Variants in PACS1 observed in about 807,000 individuals in gnomAD.
PACS1 encodes the protein phosphofurin acidic cluster sorting protein 1, also known as PACS-1.
A neutral mutation model predicts 115.0 loss-of-function variants in PACS1; 24 were observed. That is an observed-to-expected ratio of 0.21 (90% confidence interval 0.15 to 0.29). The LOEUF (loss-of-function observed/expected upper bound fraction) is 0.29, where lower values mean the gene tolerates loss of function less well. Among genes scored for constraint, PACS1 ranks in the 10% least tolerant of loss-of-function variants. The pLI is 1.00. For missense variants in PACS1, 838 were observed against 1,251.2 expected, an observed-to-expected ratio of 0.67 and a Z score of 4.98; for synonymous variants, 453 against 504.5, an observed-to-expected ratio of 0.90 and a Z score of 1.37.
intron 11 of PACS1, 117 bp downstream of exon 11, chr11:66,227,701 A>G (rs1249695505): frequency 1.6e-6 from 1 of 638,102 alleles, no homozygotes; most frequent in Non-Finnish European, 2.8e-6. Context: ...CTGCAGGCTT[A>G]TGAATGTCCT....
At chr11:66,177,923 A>G (rs1024271252) in intron 1 of PACS1, among the ~76,000 whole-genome samples, 1 of 152,234 alleles carries the variant, frequency 6.6e-6, no homozygotes, top group Non-Finnish European at 1.5e-5. Flanking sequence ...TTCAACAATT[A>G]GCACAATAGT....
At chr11:66,162,014 A>C (rs1412798644) in intron 1 of PACS1, among the ~76,000 whole-genome samples, 1 of 150,576 alleles carries the variant, frequency 6.6e-6, no homozygotes, top group East Asian at 2.0e-4. Flanking sequence ...TAGGAATGTG[A>C]CCTTATTTGG....
At chr11:66,115,334 G>A (rs1858281985) in intron 1 of PACS1, among the ~76,000 whole-genome samples, 1 of 151,738 alleles carries the variant, frequency 6.6e-6, no homozygotes, top group Admixed American at 6.6e-5. Flanking sequence ...TGTGAAAAAT[G>A]TTTTTTCTCT....
intron 1 of PACS1, among the ~76,000 whole-genome samples, chr11:66,097,782 C>A (rs1322206621): frequency 6.6e-6 from 1 of 152,212 alleles, no homozygotes; most frequent in African/African-American, 2.4e-5. Context: ...AATGGAAACT[C>A]TGAGGCTTTA....
chr11:66,238,610 C>G, intron 19 of PACS1, 194 bp from the exon 20 acceptor site: 1 of 580,328 alleles, frequency 1.7e-6, no homozygotes, highest in Non-Finnish European at 3.0e-6. Flanking sequence ...AAGCGATTCT[C>G]CTATCTCAGC....
At chr11:66,071,738 G>GT (rs1857313048) in intron 1 of PACS1, among the ~76,000 whole-genome samples, 1 of 152,156 alleles carries the variant, frequency 6.6e-6, no homozygotes, top group South Asian at 2.1e-4. Context: ...CCTTGTAGCT[G>GT]AGTTGATTCT....
intron 1 of PACS1, among the ~76,000 whole-genome samples, chr11:66,129,028 T>C (rs540460666): frequency 1.2e-4 from 18 of 152,208 alleles, no homozygotes; most frequent in Non-Finnish European, 1.8e-4. Flanking sequence ...TTGGCTATGA[T>C]GGTGATTTCA....
intron 2 of PACS1, among the ~76,000 whole-genome samples, chr11:66,202,742 A>AAAAAATATAT (rs1200930188): frequency 5.6e-5 from 4 of 71,600 alleles, no homozygotes; most frequent in African/African-American, 2.4e-4. Context: ...AAAAAAAAAA[A>AAAAAATATAT]ATATATATAT....
At chr11:66,157,824 T>C (rs1859395686) in intron 1 of PACS1, among the ~76,000 whole-genome samples, 1 of 147,780 alleles carries the variant, frequency 6.8e-6, no homozygotes, top group Admixed American at 6.9e-5. Context: ...CATTTCTGTC[T>C]GGGGAAATTG....
At chr11:66,138,593 C>G (rs1858901506) in intron 1 of PACS1, among the ~76,000 whole-genome samples, 1 of 152,094 alleles carries the variant, frequency 6.6e-6, no homozygotes, top group Admixed American at 6.6e-5. Context: ...ACCCTAATCC[C>G]AGCCCTGATA....
chr11:66,119,088 C>G (rs1156611336), intron 1 of PACS1, among the ~76,000 whole-genome samples: 1 of 152,162 alleles, frequency 6.6e-6, no homozygotes. Context: ...ACCAGATGGA[C>G]AAGGGAGAGG....
intron 1 of PACS1, among the ~76,000 whole-genome samples, chr11:66,083,734 T>C (rs1326975130): frequency 6.6e-6 from 1 of 152,240 alleles, no homozygotes; most frequent in Non-Finnish European, 1.5e-5. Context: ...GTGGCTCTGT[T>C]TTCTTGTTTG....
At chr11:66,205,925 A>T (rs1477943004) in intron 2 of PACS1, among the ~76,000 whole-genome samples, 2 of 152,196 alleles carry the variant, frequency 1.3e-5, no homozygotes, top group African/African-American at 4.8e-5. Context: ...AGGCAGGTGG[A>T]TCACCTGAGG....
At chr11:66,089,964 C>T (rs1442377637) in intron 1 of PACS1, among the ~76,000 whole-genome samples, 2 of 141,662 alleles carry the variant, frequency 1.4e-5, no homozygotes, top group Non-Finnish European at 3.0e-5. Flanking sequence ...CAAGATCGCG[C>T]CACTGCACTC....
At chr11:66,167,176 C>T (rs1859623834) in intron 1 of PACS1, among the ~76,000 whole-genome samples, 1 of 150,030 alleles carries the variant, frequency 6.7e-6, no homozygotes, top group Admixed American at 6.6e-5. Context: ...ATTTATTATC[C>T]ATTAGTGTTT....
chr11:66,095,735 G>A, intron 1 of PACS1, among the ~76,000 whole-genome samples: 1 of 152,146 alleles, frequency 6.6e-6, no homozygotes, highest in Non-Finnish European at 1.5e-5. Context: ...TGGGATTACA[G>A]GCGTGAGCCA....
At chr11:66,107,795 A>G (rs1449865595) in intron 1 of PACS1, among the ~76,000 whole-genome samples, 1 of 152,218 alleles carries the variant, frequency 6.6e-6, no homozygotes, top group African/African-American at 2.4e-5. Flanking sequence ...ACAATAGAGA[A>G]ACCAGCATAG....
chr11:66,153,186 A>T (rs1859281928), intron 1 of PACS1, among the ~76,000 whole-genome samples: 1 of 151,930 alleles, frequency 6.6e-6, no homozygotes, highest in South Asian at 2.1e-4. Context: ...TTGGCTATTC[A>T]CAAGGACAAT....
intron 2 of PACS1, among the ~76,000 whole-genome samples, chr11:66,208,644 G>A (rs1227639619): frequency 9.1e-5 from 12 of 131,988 alleles, no homozygotes; most frequent in South Asian, 2.5e-4. Context: ...GTGAGACCTC[G>A]TCTCTCTTTT....
Sources: allele counts gnomAD v4.1 joint callset (sites outside exome capture counted in the v4.1 genomes callset), GRCh38; gene constraint gnomAD v4.1.1; transcripts MANE v1.5; gene names NCBI Gene and HGNC (gene_info 2026-07-23, HGNC 2026-07-21).